The following GNB1L variants were observed in gnomAD, a reference collection of about 807,000 sequenced individuals.
The protein encoded by GNB1L is guanine nucleotide-binding protein subunit beta-like protein 1.
GNB1L carries 20 observed loss-of-function variants against 29.1 expected under a neutral mutation model. That is an observed-to-expected ratio of 0.69 (90% confidence interval 0.48 to 1.00). GNB1L has a LOEUF of 1.00. Among genes scored for constraint, GNB1L ranks in the 50% least tolerant of loss-of-function variants. GNB1L has a pLI of 0.00. For synonymous variants in GNB1L, 193 were observed against 206.5 expected (o/e 0.93, Z 0.56); for missense variants, 421 against 464.9 (o/e 0.91, Z 0.87).
intron 2 of GNB1L, among the ~76,000 whole-genome samples, chr22:19,833,520 G>A (rs939594400): frequency 2.0e-5 from 3 of 152,052 alleles, no homozygotes; most frequent in Non-Finnish European, 2.9e-5. Flanking sequence ...AGCTATGATC[G>A]TGCCACCGTA....
intron 2 of GNB1L, chr22:19,851,479 C>T: frequency 6.2e-7 from 1 of 1,614,120 alleles, no homozygotes; most frequent in Non-Finnish European, 8.5e-7. Context: ...GGGTGCTCTC[C>T]TTGGTCAGCT....
intron 2 of GNB1L, chr22:19,849,196 T>C (rs1938034849): frequency 1.0e-6 from 1 of 985,308 alleles, no homozygotes; most frequent in Non-Finnish European, 1.2e-6. Flanking sequence ...ACCTGCTTTC[T>C]AAAAATAGCT....
rs1326876247 is a variant in GNB1L at position 19,849,759 on chromosome 22, T to A, written c.-21+4684A>T. The stretch of plus-strand genomic sequence containing the variant: ...AATTCACATTTCTGCTTTTTCTTCC[T>A]ACTTTCCAGGAAGGTGTTGTTTTGT... On this transcript the variant is annotated intron_variant, in intron 2 of 7. Coordinates refer to ENST00000329517, the MANE Select transcript of GNB1L (RefSeq NM_053004.3). The A allele has an allele frequency of 4.1e-6, 4 of 985,338 alleles. No homozygotes were observed. In the African/African-American group the frequency reaches 7.0e-5, roughly 17 times the overall value. The allele number at this position is 985,338 out of a possible 1,614,324, so 61.0% of individuals were successfully genotyped here.
intron 6 of GNB1L, among the ~76,000 whole-genome samples, chr22:19,803,584 G>A (rs926584930): frequency 1.9e-4 from 29 of 152,210 alleles, no homozygotes; most frequent in Non-Finnish European, 2.6e-4. Context: ...GAAATGAGGC[G>A]TGCAGGGACC....
chr22:19,805,436 T>C (rs1937422228), intron 6 of GNB1L, among the ~76,000 whole-genome samples: 1 of 152,030 alleles, frequency 6.6e-6, no homozygotes, highest in Non-Finnish European at 1.5e-5. Flanking sequence ...CGAGCCAGAG[T>C]CACCTCCCGG....
intron 2 of GNB1L, chr22:19,849,014 C>G: frequency 1.0e-6 from 1 of 985,464 alleles, no homozygotes; most frequent in Non-Finnish European, 1.2e-6. Flanking sequence ...GCAGTCTGAC[C>G]CAACCCACAA....
intron 2 of GNB1L, among the ~76,000 whole-genome samples, chr22:19,845,977 G>A (rs1937950824): frequency 6.6e-6 from 1 of 152,230 alleles, no homozygotes; most frequent in Admixed American, 6.5e-5. Context: ...CCAGAGAGCA[G>A]GCGGGTAGGC....
chr22:19,843,558 C>A (rs1429917236), intron 2 of GNB1L, among the ~76,000 whole-genome samples: 2 of 152,326 alleles, frequency 1.3e-5, no homozygotes, highest in African/African-American at 2.4e-5. Context: ...GGTATGCCCC[C>A]CAAGAACTCC....
chr22:19,813,294 C>T (rs1937513583), intron 4 of GNB1L, among the ~76,000 whole-genome samples: 1 of 152,096 alleles, frequency 6.6e-6, no homozygotes, highest in South Asian at 2.1e-4. Flanking sequence ...AAACAGGAAC[C>T]AGGGCTCTGG....
rs142818822 is a variant in GNB1L, at chr22:19,844,511, G to A, written c.-21+9932C>T. On this transcript the variant is annotated intron_variant, in intron 2 of 7. Transcript: ENST00000329517. ...CAGTCAGCAGGGGCGCCAGGCAGGC[G>A]CTGAGGCTGCAAGTCAGACTTCTCC... Among the ~76,000 whole-genome samples, 125 of 152,362 alleles carry A rather than the reference G, an allele frequency of 8.2e-4. 2 individuals carry two copies. In the South Asian group the frequency reaches 0.024, roughly 29 times the overall value.
Position 19,786,294 on chromosome 22 carries a change from T to C in GNB1L, c.*2415A>G, listed in dbSNP as rs1251592856. 2.0e-5 allele frequency: 3 copies of C among 152,282 alleles called. No individual in the cohort carries two copies. Among genetic ancestry groups the C allele is most frequent in the Admixed American group, 6.5e-5 (1 of 15,286 alleles). 9.4% of individuals were successfully genotyped at this position (152,282 alleles called of 1,614,324 possible). ...TGCCTGGACACTGCTCAACGCCACA[T>C]GGCCTGGGGCAGGGAGCTCAAGGCC... On this transcript the variant is annotated 3_prime_UTR_variant, in exon 8 of 8. Transcript: ENST00000329517.
intron 7 of GNB1L, 150 bp from the exon 8 acceptor site, chr22:19,789,110 A>C: frequency 1.2e-6 from 1 of 823,166 alleles, no homozygotes; most frequent in Non-Finnish European, 1.9e-6. Flanking sequence ...CTGACCTCCC[A>C]CTCTTCCTAA....
chr22:19,822,632 G>A (rs1464890422), intron 2 of GNB1L, among the ~76,000 whole-genome samples: 1 of 152,246 alleles, frequency 6.6e-6, no homozygotes, highest in Non-Finnish European at 1.5e-5. Flanking sequence ...CAGTGGGGCA[G>A]GCCCCGGCCC....
At chr22:19,817,257 G>A (rs1412620043) in intron 4 of GNB1L, among the ~76,000 whole-genome samples, 3 of 152,248 alleles carry the variant, frequency 2.0e-5, no homozygotes, top group African/African-American at 4.8e-5. Context: ...GGGACGCCAA[G>A]GTGGGCAGAT....
At chr22:19,806,212 G>C (rs1937432356) in intron 6 of GNB1L, among the ~76,000 whole-genome samples, 1 of 152,252 alleles carries the variant, frequency 6.6e-6, no homozygotes, top group African/African-American at 2.4e-5. Context: ...GTCCACTCCT[G>C]CCTCTAAGAG....
At chr22:19,817,701 C>T (rs1005082121) in intron 4 of GNB1L, among the ~76,000 whole-genome samples, 4 of 152,114 alleles carry the variant, frequency 2.6e-5, no homozygotes, top group Non-Finnish European at 5.9e-5. Flanking sequence ...GAGGGGCTAC[C>T]TCCTGGGGCA....
At position 19,821,242 on chromosome 22, in the gene GNB1L, CGGGCGCCCCTGAGCCT is replaced by C. The variant is rs1569047499; in HGVS notation, c.98_113del (p.Gln33ArgfsTer34). Reference sequence around the variant, plus strand: ...CAGCTACTCACCCTGAGAAGAGGAGCGGGCGCCCCTGAGCCTGGGCTCCTTCGCAGAAGTGCAGCGC... The same window carrying C: ...CAGCTACTCACCCTGAGAAGAGGAGCGGGCTCCTTCGCAGAAGTGCAGCGC... On this transcript the variant is annotated frameshift_variant, in exon 3 of 8. Transcript: ENST00000329517. LOFTEE classifies it high-confidence loss of function. The C allele has an allele frequency of 6.2e-7, 1 of 1,611,042 alleles. No individual in the cohort carries two copies. The highest frequency in any genetic ancestry group is 1.7e-5 in the Admixed American group (1 of 59,926).
rs560224922 is a variant in GNB1L, at chr22:19,790,055, C to T, written c.733-1095G>A. Among the ~76,000 whole-genome samples the T allele has an allele frequency of 3.3e-5, 5 of 152,222 alleles. No individual in the cohort carries two copies. The South Asian group carries it at 8.3e-4, about 25-fold the overall frequency. On this transcript the variant is annotated intron_variant, in intron 7 of 7. Transcript: ENST00000329517. ...AGTATTTTATATCCAGCCAAACTGT[C>T]GCTCAATTATAAAAACAACAGACCA...
intron 2 of GNB1L, among the ~76,000 whole-genome samples, chr22:19,826,499 T>C (rs1295888727): frequency 3.9e-5 from 6 of 152,164 alleles, no homozygotes. Context: ...CACTCGGGTA[T>C]ATAAGGCAAG....
Sources: gnomAD v4.1 joint callset for allele counts (sites outside exome capture counted in the v4.1 genomes callset) on GRCh38, gnomAD v4.1.1 for gene constraint, MANE v1.5 for transcripts, NCBI Gene and HGNC (gene_info 2026-07-23, HGNC 2026-07-21) for gene names.